The following BPHL variants were observed in gnomAD, a reference collection of about 807,000 sequenced individuals.
BPHL encodes the protein biphenyl hydrolase like, also known as serine hydrolase BPHL.
Under a neutral mutation model 31.2 loss-of-function variants are expected in BPHL, and 27 were observed. The observed-to-expected ratio is 0.87, with a 90% CI of 0.64 to 1.19. The LOEUF (loss-of-function observed/expected upper bound fraction) is 1.19, where lower values mean the gene tolerates loss of function less well. Among genes scored for constraint, BPHL ranks in the 50% most tolerant of loss-of-function variants. The pLI is 0.00. For synonymous variants in BPHL, 150 were observed against 146.8 expected (o/e 1.02, Z -0.16); for missense variants, 356 against 375.7 (o/e 0.95, Z 0.43).
intron 4 of BPHL, among the ~76,000 whole-genome samples, chr6:3,134,694 C>T (rs1031035423): frequency 6.6e-6 from 1 of 151,816 alleles, no homozygotes; most frequent in African/African-American, 2.4e-5. Flanking sequence ...ACTCCGCCTC[C>T]TGTGTTCACG....
chr6:3,128,834 A>G (rs938260131), intron 3 of BPHL, among the ~76,000 whole-genome samples: 1 of 152,232 alleles, frequency 6.6e-6, no homozygotes, highest in East Asian at 1.9e-4. Context: ...ATTCAAACCC[A>G]TACCGTATGC....
At position 3,129,037 on chromosome 6, in the gene BPHL, G is replaced by C. The variant is rs773146154; in HGVS notation, c.379-8G>C. ...ACCCGTGCCGTGCATTTTGTCGTAT[G>C]ATCATAGGCGCTGAAGTTTAAGAAG... On this transcript the variant is annotated splice_region_variant and splice_polypyrimidine_tract_variant and intron_variant, in intron 3 of 6. Transcript: ENST00000380379. The C allele has an allele frequency of 4.3e-6, 7 of 1,614,272 alleles. No individual in the cohort carries two copies. Among genetic ancestry groups the C allele is most frequent in the Non-Finnish European group, 5.1e-6 (6 of 1,180,046 alleles).
At chr6:3,130,532 C>T (rs1453063742) in intron 4 of BPHL, among the ~76,000 whole-genome samples, 1 of 152,144 alleles carries the variant, frequency 6.6e-6, no homozygotes, top group East Asian at 1.9e-4. Context: ...AGGCCACTAG[C>T]TTTTTGTCCA....
chr6:3,152,659 C>G lies in BPHL; in HGVS notation c.*84C>G. 4.7e-6 allele frequency: 6 copies of G among 1,265,860 alleles called. No individual in the cohort carries two copies. The highest frequency in any genetic ancestry group is 6.7e-6 in the Non-Finnish European group (6 of 892,454). 78.4% of individuals were successfully genotyped at this position (1,265,860 alleles called of 1,614,324 possible). ...GTTAACATGATGCCTTTGAAACTCT[C>G]CGCCTTTGAAACTTTCTACCCCTCC... On this transcript the variant is annotated 3_prime_UTR_variant, in exon 7 of 7. Transcript: ENST00000380379.
intron 6 of BPHL, among the ~76,000 whole-genome samples, chr6:3,145,022 G>A (rs977717552): frequency 1.3e-5 from 2 of 152,226 alleles, no homozygotes; most frequent in Admixed American, 6.5e-5. Context: ...CTCAGACCTC[G>A]GTTGGAGTGC....
At chr6:3,145,598 C>CCAGCT (rs1762319632) in intron 6 of BPHL, among the ~76,000 whole-genome samples, 1 of 27,986 alleles carries the variant, frequency 3.6e-5, no homozygotes. Context: ...TGGTTTGGGT[C>CCAGCT]GGAGTGCTGG....
At chr6:3,134,265 G>A (rs1168380451) in intron 4 of BPHL, among the ~76,000 whole-genome samples, 1 of 152,080 alleles carries the variant, frequency 6.6e-6, no homozygotes, top group Non-Finnish European at 1.5e-5. Context: ...CAGTTTCAAT[G>A]TTATCCCAGT....
In BPHL at chr6:3,149,829, A is replaced by G. The variant is rs1469654421; in HGVS notation, c.789-2659A>G. Among the ~76,000 whole-genome samples the G allele has an allele frequency of 6.6e-6, 1 of 152,102 alleles. No individual in the cohort carries two copies. Among genetic ancestry groups the G allele is most frequent in the African/African-American group, 2.4e-5 (1 of 41,416 alleles). ...TTTTTGGTAGAGATGGAGTTTCACC[A>G]CATTGACCAGGCTGGTCTCGAACTC... On this transcript the variant is annotated intron_variant, in intron 6 of 6. Transcript: ENST00000380379. This position sits in a 1 kb window ranked among gnomAD's most constrained non-coding sequence, Gnocchi z 4.6.
chr6:3,144,385 T>TG (rs1561799074), intron 6 of BPHL, among the ~76,000 whole-genome samples: 64 of 34,618 alleles, frequency 1.8e-3, no homozygotes, highest in South Asian at 4.0e-3. Context: ...TTTTTTTTTT[T>TG]TTTTTGTTTT....
At chr6:3,136,741 A>G (rs1409465418) in intron 4 of BPHL, among the ~76,000 whole-genome samples, 2 of 152,250 alleles carry the variant, frequency 1.3e-5, no homozygotes, top group Admixed American at 6.5e-5. Flanking sequence ...TATAGAAAAC[A>G]TTGGCCTAAG....
chr6:3,140,886 C>A lies in BPHL; in HGVS notation c.788+377C>A, dbSNP rs75991796. 8.6e-3 allele frequency among the ~76,000 whole-genome samples: 1,312 copies of A among 152,200 alleles called. 40 individuals are homozygous for A. The highest frequency in any genetic ancestry group is 0.078 in the East Asian group (403 of 5,186). ...TTTTTATCATTATAAAAGCACTGACCACCCAATTTAAAAAAATCTGTTAAA... is the reference window on the plus strand; with the variant it reads ...TTTTTATCATTATAAAAGCACTGACAACCCAATTTAAAAAAATCTGTTAAA... On this transcript the variant is annotated intron_variant, in intron 6 of 6. Transcript: ENST00000380379. The surrounding 1 kb of genome is among the most constrained non-coding windows in gnomAD (Gnocchi z 5.2).
intron 4 of BPHL, among the ~76,000 whole-genome samples, chr6:3,130,761 C>T (rs7741542): frequency 0.064 from 9,734 of 152,240 alleles, 1,075 homozygotes; most frequent in African/African-American, 0.22. Context: ...TTCAGCTATT[C>T]GACAATTCAC....
chr6:3,119,547 G>A (rs1418162607), intron 1 of BPHL: 2 of 1,613,058 alleles, frequency 1.2e-6, no homozygotes, highest in Non-Finnish European at 1.7e-6. Flanking sequence ...ATTAATTTCT[G>A]ACCTTCTGTC....
Position 3,137,453 on chromosome 6 carries a change from G to A in BPHL, c.624G>A (p.Lys208=), listed in dbSNP as rs139450673. ...ACTACTTTGCCAGAACCTGTGAAAA[G>A]TGGGTGGATGGCATAAGACAGTTTA... The part of the protein sequence containing the change: ...GYDYFARTCE[K]WVDGIRQFKH... Residue 208 remains lysine (K), a synonymous_variant, in exon 5 of 7, where the codon AAG becomes AAA. Transcript: ENST00000380379. 6.2e-7 allele frequency: 1 copy of A among 1,613,460 alleles called. No individual in the cohort carries two copies. The highest frequency in any genetic ancestry group is 2.2e-5 in the East Asian group (1 of 44,870).
At chr6:3,124,502 T>C (rs1225008251) in intron 2 of BPHL, among the ~76,000 whole-genome samples, 1 of 152,228 alleles carries the variant, frequency 6.6e-6, no homozygotes, top group East Asian at 1.9e-4. Flanking sequence ...TCCCAAAATC[T>C]GAGGATCCTC....
chr6:3,146,767 C>G, intron 6 of BPHL, among the ~76,000 whole-genome samples: 1 of 135,244 alleles, frequency 7.4e-6, no homozygotes, highest in Non-Finnish European at 1.5e-5. Context: ...GGTCAGAGTG[C>G]TGGTTTGGGT....
rs567464063 is a variant in BPHL at position 3,123,663 on chromosome 6, G to A, written c.114G>A (p.Ser38=). 4.6e-5 allele frequency: 74 copies of A among 1,612,980 alleles called. No homozygotes were observed. The highest frequency in any genetic ancestry group is 3.6e-4 in the African/African-American group (27 of 74,972). ...TGTGTTTTTTCTCTTCTAGCACCTCGGTAACCTCTGCCAAAGTGGCTGTGA... is the reference window on the plus strand; with the variant it reads ...TGTGTTTTTTCTCTTCTAGCACCTCAGTAACCTCTGCCAAAGTGGCTGTGA... The part of the protein sequence containing the change: ...RAGPAAAFGT[S]VTSAKVAVNG... Residue 38 remains serine (S), a synonymous_variant, in exon 2 of 7, where the codon TCG becomes TCA. Transcript: ENST00000380379.
At chr6:3,119,428 C>T in intron 1 of BPHL, 2 of 1,611,188 alleles carry the variant, frequency 1.2e-6, no homozygotes, top group African/African-American at 2.7e-5. Context: ...GGGCCTCACT[C>T]CCAGAGGATC....
chr6:3,135,589 T>C (rs979763004), intron 4 of BPHL, among the ~76,000 whole-genome samples: 2 of 152,156 alleles, frequency 1.3e-5, no homozygotes, highest in Non-Finnish European at 2.9e-5. Context: ...AATAGGCATC[T>C]CGTTCATTCT....
Sources: gnomAD v4.1 joint callset for allele counts (sites outside exome capture counted in the v4.1 genomes callset) on GRCh38, gnomAD v4.1.1 for gene constraint, Gnocchi (gnomAD v3.1) non-coding constraint, MANE v1.5 for transcripts, NCBI Gene and HGNC (gene_info 2026-07-23, HGNC 2026-07-21) for gene names.